Variants in MAP7D2 observed in about 807,000 individuals in gnomAD.
The protein encoded by MAP7D2 is MAP7 domain-containing protein 2.
In MAP7D2, 33 loss-of-function variants were observed where a neutral mutation model predicts 63.5. The ratio of observed to expected loss-of-function variants is 0.52; its 90% CI spans 0.39 to 0.70. MAP7D2 has a LOEUF of 0.70. Among genes scored for constraint, MAP7D2 ranks in the 30% least tolerant of loss-of-function variants. MAP7D2 has a pLI of 0.00. For missense variants in MAP7D2, 626 were observed against 604.0 expected, an observed-to-expected ratio of 1.04 and a Z score of -0.38; for synonymous variants, 224 against 223.7, an observed-to-expected ratio of 1.00 and a Z score of -0.01.
At chrX:20,069,942 T>C (rs1009580314) in intron 1 of MAP7D2, among the ~76,000 whole-genome samples, 10 of 110,533 alleles carry the variant, frequency 9.0e-5, no homozygotes, top group Admixed American at 8.6e-4. Context: ...CTTGGCTTTT[T>C]CTTTTCTTTC....
intron 1 of MAP7D2, among the ~76,000 whole-genome samples, chrX:20,100,137 T>C (rs1237420606): frequency 8.9e-6 from 1 of 112,047 alleles, no homozygotes; most frequent in Non-Finnish European, 1.9e-5. Context: ...AACTACTATA[T>C]AGCCTGCTCA....
intron 8 of MAP7D2, among the ~76,000 whole-genome samples, chrX:20,033,029 A>G (rs1453660596): frequency 4.5e-5 from 5 of 111,560 alleles, no homozygotes; most frequent in African/African-American, 1.6e-4. Context: ...AGGTAGGAAA[A>G]TGGCCCATCT....
Position 20,080,496 on chromosome X carries a change from T to C in MAP7D2, c.131-15691A>G, listed in dbSNP as rs750824174. On this transcript the variant is annotated intron_variant, in intron 1 of 16. Transcript: ENST00000379643. ...AGAGTTTTCTACCATGGACAGGGCA[T>C]GTAGGTCTGGGCATCTGAACTTGGC... 1.4e-4 allele frequency among the ~76,000 whole-genome samples: 16 copies of C among 110,971 alleles called. No homozygotes were observed. The South Asian group carries it at 6.1e-3, about 42-fold the overall frequency.
At chrX:20,095,614 G>A (rs760589749) in intron 1 of MAP7D2, among the ~76,000 whole-genome samples, 1 of 110,723 alleles carries the variant, frequency 9.0e-6, no homozygotes, top group Non-Finnish European at 1.9e-5. Flanking sequence ...CCACTTTTGG[G>A]TATATATCCA....
chrX:20,033,675 A>G (rs976958059), intron 8 of MAP7D2, among the ~76,000 whole-genome samples: 14 of 112,204 alleles, frequency 1.2e-4, no homozygotes, highest in African/African-American at 4.5e-4. Flanking sequence ...GGTATCATTA[A>G]TCACATGACC....
intron 6 of MAP7D2, among the ~76,000 whole-genome samples, chrX:20,048,698 G>A (rs1432177657): frequency 1.8e-5 from 2 of 110,167 alleles, no homozygotes; most frequent in African/African-American, 6.6e-5. Context: ...GGCCAAAGTA[G>A]ATGGGTCGCG....
intron 8 of MAP7D2, among the ~76,000 whole-genome samples, chrX:20,035,283 G>A (rs1185911405): frequency 1.8e-5 from 2 of 111,285 alleles, no homozygotes; most frequent in Non-Finnish European, 3.8e-5. Context: ...CTGAGCAGAT[G>A]GGCGGCTCTT....
At chrX:20,106,230 T>C (rs990522641) in intron 1 of MAP7D2, among the ~76,000 whole-genome samples, 1 of 112,020 alleles carries the variant, frequency 8.9e-6, no homozygotes, top group African/African-American at 3.2e-5. Flanking sequence ...GCCAAGTCCA[T>C]CCCCTTTCCA....
intron 8 of MAP7D2, among the ~76,000 whole-genome samples, chrX:20,027,010 G>T (rs955026543): frequency 1.2e-4 from 13 of 112,508 alleles, no homozygotes; most frequent in African/African-American, 3.5e-4. Flanking sequence ...GATATTCAAA[G>T]ACGATTTTTC....
chrX:20,059,248 T>A (rs545872723), intron 3 of MAP7D2, among the ~76,000 whole-genome samples: 1 of 111,760 alleles, frequency 8.9e-6, no homozygotes, highest in African/African-American at 3.3e-5. Flanking sequence ...GGAGGAATTA[T>A]TAAAATCCTG....
In MAP7D2 at chrX:20,098,096, C is replaced by T. The variant is rs189931368; in HGVS notation, c.130+18654G>A. Among the ~76,000 whole-genome samples, 122 of 111,650 alleles carry T rather than the reference C, an allele frequency of 1.1e-3. 1 individual carries two copies. Among genetic ancestry groups the T allele is most frequent in the African/African-American group, 3.7e-3 (114 of 30,685 alleles). On this transcript the variant is annotated intron_variant, in intron 1 of 16. Coordinates refer to ENST00000379643, the MANE Select transcript of MAP7D2 (RefSeq NM_001168465.2). ...TCCACAGACATCCAGCCTAGGTCCTCGTACTGGCTACACGGATGATAAGCT... is the reference window on the plus strand; with the variant it reads ...TCCACAGACATCCAGCCTAGGTCCTTGTACTGGCTACACGGATGATAAGCT...
chrX:20,079,243 C>G (rs2065719186), intron 1 of MAP7D2, among the ~76,000 whole-genome samples: 1 of 111,153 alleles, frequency 9.0e-6, no homozygotes, highest in Non-Finnish European at 1.9e-5. Context: ...CCAGGGCCAG[C>G]ATGGGAACTG....
chrX:20,076,533 C>T (rs747774811), intron 1 of MAP7D2, among the ~76,000 whole-genome samples: 41 of 110,300 alleles, frequency 3.7e-4, no homozygotes, highest in African/African-American at 1.4e-3. Context: ...TGACAAAACC[C>T]CGTCTCTACT....
Position 20,007,241 on chromosome X carries a change from G to A in MAP7D2, c.*1184C>T, listed in dbSNP as rs1175936832. 8.9e-6 allele frequency: 1 copy of A among 112,221 alleles called. No homozygotes were observed. The highest frequency in any genetic ancestry group is 2.8e-4 in the East Asian group (1 of 3,607). The allele number at this position is 112,221 out of a possible 1,213,427, so 9.2% of individuals were successfully genotyped here. Reference sequence around the variant, plus strand: ...CTACTGAGACTTCTTTGTATCTCCTGGTTGCAAACCTCTCTCAGAATTATG... The same window carrying A: ...CTACTGAGACTTCTTTGTATCTCCTAGTTGCAAACCTCTCTCAGAATTATG... On this transcript the variant is annotated 3_prime_UTR_variant, in exon 17 of 17. Coordinates refer to ENST00000379643, the MANE Select transcript of MAP7D2 (RefSeq NM_001168465.2).
At chrX:20,026,707 G>A (rs1335225935) in intron 8 of MAP7D2, among the ~76,000 whole-genome samples, 4 of 111,651 alleles carry the variant, frequency 3.6e-5, no homozygotes, top group Non-Finnish European at 5.6e-5. Context: ...ACAGGAGCTC[G>A]TCTTATGTCT....
chrX:20,055,076 CTTT>C (rs34507328), intron 4 of MAP7D2, among the ~76,000 whole-genome samples: 1 of 103,396 alleles, frequency 9.7e-6, no homozygotes. Flanking sequence ...CCTTTTACAG[CTTT>C]TTTTTTTTTT....
At chrX:20,116,601 C>T in intron 1 of MAP7D2, 149 bp downstream of exon 1, 2 of 979,679 alleles carry the variant, frequency 2.0e-6, no homozygotes, top group Non-Finnish European at 2.6e-6. Flanking sequence ...CACGTCCGGA[C>T]GATCCTGGGC....
At chrX:20,049,668 A>G (rs1196886166) in intron 6 of MAP7D2, among the ~76,000 whole-genome samples, 1 of 111,847 alleles carries the variant, frequency 8.9e-6, no homozygotes, top group Admixed American at 9.5e-5. Flanking sequence ...TTGTGCAAAC[A>G]TATGTTTTTA....
At chrX:20,095,006 GGCAGT>G (rs1432244908) in intron 1 of MAP7D2, among the ~76,000 whole-genome samples, 12 of 108,657 alleles carry the variant, frequency 1.1e-4, no homozygotes, top group African/African-American at 3.3e-4. Flanking sequence ...TGTTTTCCCA[GGCAGT>G]GCAGTGAGCC....
Sources: gnomAD v4.1 joint callset for allele counts (sites outside exome capture counted in the v4.1 genomes callset) on GRCh38, gnomAD v4.1.1 for gene constraint, MANE v1.5 for transcripts, NCBI Gene and HGNC (gene_info 2026-07-23, HGNC 2026-07-21) for gene names.